MAPK10: variants seen among roughly 807,000 people sequenced by gnomAD.
MAPK10 encodes the protein JNK3 alpha protein kinase.
Under a neutral mutation model 59.3 loss-of-function variants are expected in MAPK10, and 25 were observed. The ratio of observed to expected loss-of-function variants is 0.42; its 90% CI spans 0.31 to 0.59. The LOEUF (loss-of-function observed/expected upper bound fraction) is 0.59. MAPK10 is among the 20% of genes least tolerant of loss of function. MAPK10 has a pLI of 0.15. For synonymous variants in MAPK10, 190 were observed against 200.5 expected (o/e 0.95, Z 0.44); for missense variants, 351 against 568.9 (o/e 0.62, Z 3.90).
chr4:86,454,135 T>G (rs1751026211), upstream of MAPK10, among the ~76,000 whole-genome samples: 1 of 152,076 alleles, frequency 6.6e-6, no homozygotes, highest in African/African-American at 2.4e-5. Context: ...CTCTAGACCT[T>G]CCCTCTGACA....
intron 1 of MAPK10, among the ~76,000 whole-genome samples, chr4:86,549,967 A>G (rs1260848978): frequency 1.3e-5 from 2 of 152,248 alleles, no homozygotes; most frequent in East Asian, 3.8e-4. Flanking sequence ...GCCAGAAAAT[A>G]AATCTTACAA....
At chr4:86,321,947 T>G (rs542887342) in intron 2 of MAPK10, 1 of 152,106 alleles carries the variant, frequency 6.6e-6, no homozygotes, top group South Asian at 2.1e-4. Flanking sequence ...TCTTCTCTCC[T>G]CAGCCTCCCA....
chr4:86,415,136 C>CAAAA (rs5860025), intron 1 of MAPK10, among the ~76,000 whole-genome samples: 3 of 106,290 alleles, frequency 2.8e-5, no homozygotes, highest in Non-Finnish European at 1.9e-5. Flanking sequence ...AAGATTCTGT[C>CAAAA]AAAAAAAAAA....
At chr4:86,394,213 G>A (rs1742617894) in intron 1 of MAPK10, among the ~76,000 whole-genome samples, 1 of 151,784 alleles carries the variant, frequency 6.6e-6, no homozygotes, top group Non-Finnish European at 1.5e-5. Flanking sequence ...AGGTTGCAGT[G>A]AGCCCAGATC....
chr4:86,505,086 T>C (rs2149080999), intron 1 of MAPK10, among the ~76,000 whole-genome samples: 1 of 152,268 alleles, frequency 6.6e-6, no homozygotes, highest in Admixed American at 6.5e-5. Flanking sequence ...ATAGCAACCA[T>C]CACATAATTG....
intron 1 of MAPK10, among the ~76,000 whole-genome samples, chr4:86,375,411 T>C (rs1739625984): frequency 6.6e-6 from 1 of 152,048 alleles, no homozygotes. Flanking sequence ...GAAGTTCAAC[T>C]ACCAAAACTT....
At chr4:86,100,961 T>G (rs372004644) in intron 8 of MAPK10, 91 bp downstream of exon 8, 2 of 1,109,544 alleles carry the variant, frequency 1.8e-6, no homozygotes, top group African/African-American at 1.5e-5. Context: ...TATAAAAGCA[T>G]GTACATAAAA....
intron 1 of MAPK10, among the ~76,000 whole-genome samples, chr4:86,374,231 A>T (rs1380919165): frequency 6.6e-6 from 1 of 151,902 alleles, no homozygotes; most frequent in Non-Finnish European, 1.5e-5. Context: ...CACAGGGAGG[A>T]GAATATCACA....
At chr4:86,525,969 C>T (rs1757445231) in intron 1 of MAPK10, among the ~76,000 whole-genome samples, 1 of 151,130 alleles carries the variant, frequency 6.6e-6, no homozygotes, top group African/African-American at 2.4e-5. Context: ...AAAAGATAAC[C>T]CTGGTATTTT....
chr4:86,049,048 C>T (rs1476230025), intron 11 of MAPK10, among the ~76,000 whole-genome samples: 1 of 151,922 alleles, frequency 6.6e-6, no homozygotes, highest in East Asian at 1.9e-4. Context: ...TATAAGAAAG[C>T]ATTTGTGTAC....
intron 9 of MAPK10, chr4:86,090,439 T>C (rs978204177): frequency 6.6e-6 from 1 of 152,088 alleles, no homozygotes; most frequent in Non-Finnish European, 1.5e-5. Flanking sequence ...AAGTGATCAC[T>C]GCAAAGAAAC....
intron 1 of MAPK10, among the ~76,000 whole-genome samples, chr4:86,448,373 C>T (rs887301342): frequency 6.6e-6 from 1 of 150,462 alleles, no homozygotes; most frequent in Non-Finnish European, 1.5e-5. Context: ...ATCTTAGAGT[C>T]AACTAGTCTA....
intron 1 of MAPK10, among the ~76,000 whole-genome samples, chr4:86,426,983 C>T (rs963972908): frequency 2.0e-5 from 3 of 151,814 alleles, no homozygotes; most frequent in African/African-American, 7.3e-5. Context: ...TATGGCCGGG[C>T]GCAGTGACTC....
At chr4:86,059,269 G>C (rs542470747) in intron 11 of MAPK10, among the ~76,000 whole-genome samples, 38 of 152,244 alleles carry the variant, frequency 2.5e-4, no homozygotes, top group African/African-American at 9.1e-4. Flanking sequence ...ATCTATGATG[G>C]CCTTGTAATA....
intron 2 of MAPK10, among the ~76,000 whole-genome samples, chr4:86,220,321 C>G (rs989843086): frequency 6.6e-6 from 1 of 151,884 alleles, no homozygotes; most frequent in Non-Finnish European, 1.5e-5. Flanking sequence ...ATGCTAAATG[C>G]GTCATCCAGA....
intron 2 of MAPK10, among the ~76,000 whole-genome samples, chr4:86,243,860 G>A (rs1379620943): frequency 3.3e-5 from 5 of 151,620 alleles, no homozygotes; most frequent in South Asian, 2.1e-4. Context: ...CTTACCTCCC[G>A]AGCTCCTCCC....
chr4:86,488,716 G>A (rs934210711), intron 1 of MAPK10, among the ~76,000 whole-genome samples: 8 of 152,086 alleles, frequency 5.3e-5, no homozygotes, highest in Admixed American at 3.9e-4. Context: ...GAAAGGCTCC[G>A]AAGTAGACAA....
chr4:86,448,516 G>A (rs1471569128), intron 1 of MAPK10, among the ~76,000 whole-genome samples: 3 of 151,910 alleles, frequency 2.0e-5, no homozygotes, highest in Non-Finnish European at 4.4e-5. Flanking sequence ...TATTCTTTGT[G>A]TTCTTTAGTA....
At chr4:86,521,724 C>T (rs915940076) in intron 1 of MAPK10, among the ~76,000 whole-genome samples, 1 of 152,096 alleles carries the variant, frequency 6.6e-6, no homozygotes, top group Non-Finnish European at 1.5e-5. Flanking sequence ...TACAATCCTC[C>T]CCACTGAGAA....
Sources: gnomAD v4.1 joint callset for allele counts (sites outside exome capture counted in the v4.1 genomes callset) on GRCh38, gnomAD v4.1.1 for gene constraint, MANE v1.5 for transcripts, NCBI Gene and HGNC (gene_info 2026-07-23, HGNC 2026-07-21) for gene names.